The following MYO5B variants were observed in gnomAD, a reference collection of about 807,000 sequenced individuals.
The protein encoded by MYO5B is unconventional myosin-Vb.
MYO5B carries 143 observed loss-of-function variants against 229.3 expected under a neutral mutation model. The ratio of observed to expected loss-of-function variants is 0.62; its 90% confidence interval spans 0.54 to 0.72. The LOEUF (loss-of-function observed/expected upper bound fraction) is 0.72. MYO5B is among the 30% of genes least tolerant of loss of function. The pLI, the probability that MYO5B is intolerant of heterozygous loss-of-function variation, is 0.00. For missense variants in MYO5B, 2,321 were observed against 2,331.0 expected, an observed-to-expected ratio of 1.00 and a Z score of 0.09; for synonymous variants, 918 against 885.2, an observed-to-expected ratio of 1.04 and a Z score of -0.66.
chr18:49,841,399 A>T lies in MYO5B; in HGVS notation c.4667T>A (p.Leu1556His). ...TSFWLSNTCR[L>H]LHCLKQYSGD... ...GCTGTACTGCTTCAGACAGTGAAGAAGGCGGCAGGTGTTGGATAACCAGAA... is the reference window on the plus strand; with the variant it reads ...GCTGTACTGCTTCAGACAGTGAAGATGGCGGCAGGTGTTGGATAACCAGAA... The change falls in exon 35 of 40, where the codon CTT (leucine) becomes CAT (histidine). Residue 1556 changes from leucine to histidine, a missense_variant. This residue lies in a region of MYO5B where 2,113 missense variants were observed against 2,044.7 expected (regional missense o/e 1.03). Transcript: ENST00000285039. The T allele has an allele frequency of 6.2e-7, 1 of 1,614,222 alleles. No homozygotes were observed. The highest frequency in any genetic ancestry group is 8.5e-7 in the Non-Finnish European group (1 of 1,180,026).
intron 1 of MYO5B, among the ~76,000 whole-genome samples, chr18:50,173,826 A>C (rs752114149): frequency 3.9e-5 from 6 of 152,190 alleles, no homozygotes; most frequent in Non-Finnish European, 8.8e-5. Flanking sequence ...AAAGGCATAC[A>C]CTTTCAGACT....
chr18:50,123,768 G>T (rs1418892942), intron 1 of MYO5B, among the ~76,000 whole-genome samples: 1 of 152,148 alleles, frequency 6.6e-6, no homozygotes, highest in Non-Finnish European at 1.5e-5. Flanking sequence ...GAAAGATATA[G>T]AGGTGTCACT....
chr18:49,829,577 A>G (rs2023889686), intron 39 of MYO5B, among the ~76,000 whole-genome samples: 1 of 152,242 alleles, frequency 6.6e-6, no homozygotes, highest in African/African-American at 2.4e-5. Context: ...TCAAAGAGGA[A>G]GGCACACTTT....
At chr18:49,863,196 C>A (rs764551280) in intron 29 of MYO5B, 31 bp downstream of exon 29, 2 of 1,574,700 alleles carry the variant, frequency 1.3e-6, no homozygotes. Flanking sequence ...TCCGCGGCCT[C>A]GTCCAGCACA....
intron 1 of MYO5B, among the ~76,000 whole-genome samples, chr18:50,133,431 G>C (rs774560451): frequency 1.2e-4 from 19 of 152,202 alleles, no homozygotes; most frequent in Non-Finnish European, 2.4e-4. Flanking sequence ...ACCTTCAATA[G>C]AAAGAGTGAA....
In MYO5B at chr18:50,040,228, A is replaced by G. The variant is rs375065425; in HGVS notation, c.225T>C (p.Thr75=). The G allele has an allele frequency of 7.4e-5, 119 of 1,614,104 alleles. No individual in the cohort carries two copies. The African/African-American group carries it at 1.2e-3, about 16-fold the overall frequency. The change falls in exon 3 of 40, where the codon ACT becomes ACC. Residue 75 remains threonine, a synonymous_variant. Coordinates refer to ENST00000285039, the MANE Select transcript of MYO5B (RefSeq NM_001080467.3). The part of the protein sequence containing the change: ...PDILVGENDL[T]ALSYLHEPAV... ...CAGGCTCATGAAGATAGCTAAGGGC[A>G]GTCAGGTCATTTTCTCCCACCAAGA...
chr18:50,134,410 C>T (rs2032302240), intron 1 of MYO5B, among the ~76,000 whole-genome samples: 1 of 151,838 alleles, frequency 6.6e-6, no homozygotes. Context: ...AAAAACTTAG[C>T]CAGGTGTGGT....
At chr18:50,152,815 T>C (rs563802605) in intron 1 of MYO5B, among the ~76,000 whole-genome samples, 1 of 150,960 alleles carries the variant, frequency 6.6e-6, no homozygotes, top group East Asian at 1.9e-4. Context: ...AAACTATGAT[T>C]GTATATTTTT....
At chr18:49,842,259 A>G (rs565367934) in intron 34 of MYO5B, among the ~76,000 whole-genome samples, 1 of 152,284 alleles carries the variant, frequency 6.6e-6, no homozygotes, top group South Asian at 2.1e-4. Flanking sequence ...GGTGCTCACG[A>G]AAGAGGATCA....
At chr18:49,864,731 T>G (rs950963247) in intron 27 of MYO5B, among the ~76,000 whole-genome samples, 1 of 152,260 alleles carries the variant, frequency 6.6e-6, no homozygotes, top group African/African-American at 2.4e-5. Context: ...TAAGAATTCC[T>G]ACAATCTAAA....
chr18:50,109,450 G>GA (rs2031824969), intron 1 of MYO5B, among the ~76,000 whole-genome samples: 1 of 147,496 alleles, frequency 6.8e-6, no homozygotes, highest in African/African-American at 2.5e-5. Flanking sequence ...TTTGAGACAA[G>GA]AGTCTTGCTC....
At chr18:50,131,020 G>A (rs2032246259) in intron 1 of MYO5B, among the ~76,000 whole-genome samples, 2 of 152,138 alleles carry the variant, frequency 1.3e-5, no homozygotes. Flanking sequence ...TGTGCAGCAA[G>A]CCTCTTCCTC....
intron 1 of MYO5B, among the ~76,000 whole-genome samples, chr18:50,116,568 A>C (rs1048443052): frequency 5.3e-5 from 8 of 152,160 alleles, no homozygotes; most frequent in Non-Finnish European, 1.2e-4. Flanking sequence ...TGAGTTCTCC[A>C]ATGTGCCAAG....
chr18:50,028,488 G>C (rs2026354881), intron 4 of MYO5B, among the ~76,000 whole-genome samples: 5 of 152,248 alleles, frequency 3.3e-5, no homozygotes, highest in African/African-American at 1.2e-4. Flanking sequence ...AATGGCAGTG[G>C]GGGGAGCCAG....
chr18:50,128,000 C>T (rs550231465), intron 1 of MYO5B, among the ~76,000 whole-genome samples: 1 of 152,234 alleles, frequency 6.6e-6, no homozygotes, highest in East Asian at 1.9e-4. Context: ...TTGGAACTTA[C>T]ACCACTGACT....
chr18:49,860,283 G>C (rs1170964405), intron 29 of MYO5B, among the ~76,000 whole-genome samples: 1 of 152,162 alleles, frequency 6.6e-6, no homozygotes, highest in Non-Finnish European at 1.5e-5. Context: ...AGGTTGGGCT[G>C]AGGGCAGTGG....
chr18:49,914,183 G>T (rs2144165678), intron 17 of MYO5B, among the ~76,000 whole-genome samples: 1 of 152,334 alleles, frequency 6.6e-6, no homozygotes, highest in Admixed American at 6.5e-5. Flanking sequence ...GGCTTCAGGA[G>T]TCGCAGGCTC....
Position 49,862,159 on chromosome 18 carries a change from G to C in MYO5B, c.3944+1068C>G, listed in dbSNP as rs140824314. Among the ~76,000 whole-genome samples the C allele has an allele frequency of 6.6e-3, 1,010 of 151,978 alleles. 12 individuals carry two copies. The highest frequency in any genetic ancestry group is 0.022 in the African/African-American group (913 of 41,456). On this transcript the variant is annotated intron_variant, in intron 29 of 39. Transcript: ENST00000285039. ...ATTACAGGCACCCGCCACTACGCCC[G>C]GCTAATTTTTGTATTTTTAGTAGAG...
At chr18:49,846,048 T>C (rs1469024434) in intron 33 of MYO5B, among the ~76,000 whole-genome samples, 2 of 152,100 alleles carry the variant, frequency 1.3e-5, no homozygotes, top group Non-Finnish European at 2.9e-5. Context: ...TGAGCAGTGG[T>C]TCTCACAGCT....
Sources: allele counts gnomAD v4.1 joint callset (sites outside exome capture counted in the v4.1 genomes callset), GRCh38; gene constraint gnomAD v4.1.1; regional missense constraint gnomAD v4.1.1; transcripts MANE v1.5; gene names NCBI Gene and HGNC (gene_info 2026-07-23, HGNC 2026-07-21).